The following AGTPBP1 variants were observed in gnomAD, a reference collection of about 807,000 sequenced individuals.
AGTPBP1 encodes the protein ATP/GTP binding carboxypeptidase 1, also known as cytosolic carboxypeptidase 1.
A neutral mutation model predicts 143.9 loss-of-function variants in AGTPBP1; 70 were observed. The observed-to-expected ratio is 0.49, with a 90% CI of 0.40 to 0.59. The LOEUF (loss-of-function observed/expected upper bound fraction) is 0.59. Among genes scored for constraint, AGTPBP1 ranks in the 20% least tolerant of loss-of-function variants. AGTPBP1 has a pLI of 0.00. For missense variants in AGTPBP1, 1,229 were observed against 1,464.5 expected, an observed-to-expected ratio of 0.84 and a Z score of 2.62; for synonymous variants, 463 against 500.2, an observed-to-expected ratio of 0.93 and a Z score of 0.99.
chr9:85,607,675 T>G (rs956221272), intron 17 of AGTPBP1, among the ~76,000 whole-genome samples: 2 of 152,082 alleles, frequency 1.3e-5, no homozygotes, highest in African/African-American at 2.4e-5. Flanking sequence ...AAGGCCAAAG[T>G]TTTATTGAGA....
rs745710606 is a variant in AGTPBP1, at chr9:85,633,308, C to T, written c.1369G>A (p.Val457Ile). Residue 457 changes from valine to isoleucine, a missense_variant, in exon 14 of 26, where the codon GTT becomes ATT. Around this residue, in one of 2 missense-constraint regions of AGTPBP1, gnomAD observed 743 missense variants for 812.2 expected, o/e 0.91. Transcript: ENST00000357081. ...GTTTCCTCGCCTGCCGTAGGAACAACAATAGGACCACGTACTTTTCCCTCA... is the reference window on the plus strand; with the variant it reads ...GTTTCCTCGCCTGCCGTAGGAACAATAATAGGACCACGTACTTTTCCCTCA... ...VFEGKVRGPI[V>I]VPTAGEETSG... is the part of the protein sequence containing the mutation. The T allele has an allele frequency of 3.1e-6, 5 of 1,612,136 alleles. No individual in the cohort carries two copies. Among genetic ancestry groups the T allele is most frequent in the Non-Finnish European group, 4.2e-6 (5 of 1,179,470 alleles).
At chr9:85,583,236 G>C (rs1828390004) in intron 23 of AGTPBP1, among the ~76,000 whole-genome samples, 1 of 152,138 alleles carries the variant, frequency 6.6e-6, no homozygotes, top group Non-Finnish European at 1.5e-5. Flanking sequence ...CTGCAGAACT[G>C]TAAGTCCATC....
chr9:85,621,103 T>G (rs1306980377), intron 15 of AGTPBP1, 99 bp downstream of exon 15: 1 of 580,178 alleles, frequency 1.7e-6, no homozygotes, highest in East Asian at 3.8e-5. Context: ...TTTTAAAAAC[T>G]ACCAACATTT....
intron 24 of AGTPBP1, among the ~76,000 whole-genome samples, chr9:85,577,012 C>T (rs1032619373): frequency 1.3e-5 from 2 of 151,760 alleles, no homozygotes; most frequent in African/African-American, 4.8e-5. Context: ...ACAAAAATAA[C>T]TAGAAAAAAT....
At chr9:85,573,315 G>A (rs1207138839) in intron 25 of AGTPBP1, among the ~76,000 whole-genome samples, 4 of 152,124 alleles carry the variant, frequency 2.6e-5, no homozygotes, top group Non-Finnish European at 5.9e-5. Flanking sequence ...TGTGTTGGCC[G>A]GGCTGGTCTC....
the AGTPBP1 span, among the ~76,000 whole-genome samples, chr9:85,796,832 G>A: frequency 6.6e-6 from 1 of 152,186 alleles, no homozygotes; most frequent in East Asian, 1.9e-4. Context: ...TGTCAACCAG[G>A]CCAGAGAGCA....
chr9:85,646,254 C>G (rs1403805344), intron 12 of AGTPBP1, 67 bp downstream of exon 12: 4 of 1,036,682 alleles, frequency 3.9e-6, no homozygotes, highest in East Asian at 5.0e-5. Context: ...TTTATTTACC[C>G]AATTTTTGTT....
At chr9:85,718,876 T>C (rs929389372) in intron 1 of AGTPBP1, among the ~76,000 whole-genome samples, 32 of 152,200 alleles carry the variant, frequency 2.1e-4, no homozygotes, top group African/African-American at 7.0e-4. Flanking sequence ...CAGTTTCAGC[T>C]TTCTACATAT....
chr9:85,574,884 T>C (rs2133049544), intron 25 of AGTPBP1, among the ~76,000 whole-genome samples: 1 of 152,106 alleles, frequency 6.6e-6, no homozygotes, highest in East Asian at 1.9e-4. Context: ...AATTCTTGCA[T>C]TTTTAGGAGA....
At chr9:85,668,595 A>C (rs1472901253) in intron 8 of AGTPBP1, among the ~76,000 whole-genome samples, 1 of 152,140 alleles carries the variant, frequency 6.6e-6, no homozygotes, top group Non-Finnish European at 1.5e-5. Flanking sequence ...AAAATAATCC[A>C]AGAGAAAATA....
intron 25 of AGTPBP1, among the ~76,000 whole-genome samples, chr9:85,557,001 T>C (rs535643356): frequency 7.9e-5 from 12 of 152,276 alleles, no homozygotes; most frequent in African/African-American, 1.2e-4. Flanking sequence ...AATTAAAGAA[T>C]ATACATTCTT....
At chr9:85,618,526 A>G (rs1259348715) in intron 17 of AGTPBP1, among the ~76,000 whole-genome samples, 3 of 152,102 alleles carry the variant, frequency 2.0e-5, no homozygotes, top group Non-Finnish European at 4.4e-5. Context: ...AGCAATTTAT[A>G]CACAATGACC....
Position 85,717,467 on chromosome 9 carries a change from G to A in AGTPBP1, c.-33-4901C>T, listed in dbSNP as rs368556767. Among the ~76,000 whole-genome samples, 8 of 152,114 alleles carry A rather than the reference G, an allele frequency of 5.3e-5. No homozygotes were observed. The East Asian group carries it at 5.8e-4, about 11-fold the overall frequency. Reference sequence around the variant, plus strand: ...CAGTGAGCTGTGTTCACACCACTGCGCTTCAGCCTGGGTGACAGAGCAAGA... The same window carrying A: ...CAGTGAGCTGTGTTCACACCACTGCACTTCAGCCTGGGTGACAGAGCAAGA... On this transcript the variant is annotated intron_variant, in intron 1 of 25. Transcript: ENST00000357081.
intron 2 of AGTPBP1, among the ~76,000 whole-genome samples, chr9:85,704,897 T>C (rs1003707654): frequency 6.6e-6 from 1 of 152,142 alleles, no homozygotes; most frequent in African/African-American, 2.4e-5. Flanking sequence ...CAGACTACAA[T>C]GTCTGAGATG....
the AGTPBP1 span, chr9:85,786,270 T>G: frequency 2.5e-4 from 389 of 1,583,200 alleles, 2 homozygotes; most frequent in Non-Finnish European, 2.2e-4. Context: ...TCTGGGAAGA[T>G]ATCCCAGAAT....
intron 24 of AGTPBP1, 135 bp downstream of exon 24, chr9:85,578,785 A>AG: frequency 5.6e-6 from 5 of 900,344 alleles, no homozygotes; most frequent in Non-Finnish European, 6.5e-6. Context: ...AAGACTGCAT[A>AG]TGATTCCATT....
At chr9:85,780,535 A>G in the AGTPBP1 span, among the ~76,000 whole-genome samples, 1 of 151,634 alleles carries the variant, frequency 6.6e-6, no homozygotes, top group African/African-American at 2.4e-5. Flanking sequence ...TACAGAAGAT[A>G]CTAAAGCAGC....
upstream of AGTPBP1, among the ~76,000 whole-genome samples, chr9:85,743,566 T>C (rs1824511764): frequency 6.6e-6 from 1 of 152,246 alleles, no homozygotes. Flanking sequence ...TCCTAGCTAA[T>C]GTGACGTTAC....
At chr9:85,771,932 T>C in the AGTPBP1 span, among the ~76,000 whole-genome samples, 72 of 151,724 alleles carry the variant, frequency 4.7e-4, no homozygotes, top group African/African-American at 1.7e-3. Context: ...GTGCTGGGAT[T>C]ACAGGCGTGA....
Sources: gnomAD v4.1 joint callset for allele counts (sites outside exome capture counted in the v4.1 genomes callset) on GRCh38, gnomAD v4.1.1 for gene constraint, gnomAD v4.1.1 regional missense constraint, MANE v1.5 for transcripts, NCBI Gene and HGNC (gene_info 2026-07-23, HGNC 2026-07-21) for gene names.